Variants in TAFA2 observed in about 807,000 individuals in gnomAD.
The protein encoded by TAFA2 is TAFA chemokine like family member 2.
TAFA2 carries 7 observed loss-of-function variants against 18.8 expected under a neutral mutation model. The ratio of observed to expected loss-of-function variants is 0.37; its 90% CI spans 0.21 to 0.70. The LOEUF is 0.70. Ranked by LOEUF, TAFA2 falls within the 30% of genes least tolerant of loss-of-function variation. The pLI, the probability that TAFA2 is intolerant of heterozygous loss-of-function variation, is 0.53. For missense variants in TAFA2, 122 were observed against 158.1 expected (o/e 0.77, Z 1.23); for synonymous variants, 60 against 54.2 (o/e 1.11, Z -0.47).
intron 1 of TAFA2, among the ~76,000 whole-genome samples, chr12:62,072,121 C>G (rs766122824): frequency 2.6e-5 from 4 of 152,078 alleles, no homozygotes; most frequent in South Asian, 2.1e-4. Flanking sequence ...GTAAAATGGG[C>G]ATGAGGACGA....
chr12:61,904,098 C>T (rs2121324641), intron 1 of TAFA2, among the ~76,000 whole-genome samples: 1 of 152,224 alleles, frequency 6.6e-6, no homozygotes, highest in African/African-American at 2.4e-5. Context: ...CTCAAAGCAT[C>T]CTTCTGTATC....
At chr12:61,974,044 C>T (rs891166426) in intron 1 of TAFA2, among the ~76,000 whole-genome samples, 1 of 151,666 alleles carries the variant, frequency 6.6e-6, no homozygotes, top group Non-Finnish European at 1.5e-5. Context: ...GGTAATGACA[C>T]TCTAGTAAGT....
In TAFA2 at chr12:62,147,283, T is replaced by C. The variant is rs145813297; in HGVS notation, c.-2+43976A>G. On this transcript the variant is annotated intron_variant, in intron 1 of 4. Coordinates refer to ENST00000416284, the MANE Select transcript of TAFA2 (RefSeq NM_178539.5). Reference sequence around the variant, plus strand: ...GTATATATATGTGTGTGTGTATATATATGTATGTATATATGTATGCATGTG... The same window carrying C: ...GTATATATATGTGTGTGTGTATATACATGTATGTATATATGTATGCATGTG... 5.4e-3 allele frequency among the ~76,000 whole-genome samples: 784 copies of C among 145,266 alleles called. 15 individuals carry two copies. The highest frequency in any genetic ancestry group is 0.019 in the African/African-American group (756 of 39,120).
At chr12:61,846,869 G>A (rs549696543) in intron 2 of TAFA2, among the ~76,000 whole-genome samples, 28 of 152,164 alleles carry the variant, frequency 1.8e-4, no homozygotes, top group Non-Finnish European at 3.4e-4. Flanking sequence ...CAAAATCCAT[G>A]CTATTACTCC....
chr12:62,214,940 C>T (rs2062728039), intron 1 of TAFA2, among the ~76,000 whole-genome samples: 1 of 152,174 alleles, frequency 6.6e-6, no homozygotes, highest in Non-Finnish European at 1.5e-5. Context: ...TCTAGAGATA[C>T]TATCTTTAAA....
intron 1 of TAFA2, among the ~76,000 whole-genome samples, chr12:62,142,731 T>A (rs1399119925): frequency 6.6e-6 from 1 of 152,024 alleles, no homozygotes; most frequent in Non-Finnish European, 1.5e-5. Context: ...ATTATGAGAA[T>A]CCTCTTTAAA....
intron 2 of TAFA2, among the ~76,000 whole-genome samples, chr12:61,794,834 A>C (rs1441580341): frequency 2.6e-5 from 4 of 152,308 alleles, no homozygotes; most frequent in Non-Finnish European, 5.9e-5. Flanking sequence ...TACTCATCTG[A>C]CAAAGGGCTA....
chr12:61,744,322 C>A (rs908953980), intron 4 of TAFA2, among the ~76,000 whole-genome samples: 1 of 152,078 alleles, frequency 6.6e-6, no homozygotes, highest in Non-Finnish European at 1.5e-5. Context: ...ACACCTGGCT[C>A]AAATATTGCA....
chr12:62,147,764 A>T (rs2062297566), intron 1 of TAFA2, among the ~76,000 whole-genome samples: 1 of 151,538 alleles, frequency 6.6e-6, no homozygotes, highest in Non-Finnish European at 1.5e-5. Context: ...AACCATTAAC[A>T]GAATAAACAG....
intron 1 of TAFA2, among the ~76,000 whole-genome samples, chr12:61,950,410 C>T (rs1347442824): frequency 6.6e-6 from 1 of 152,154 alleles, no homozygotes; most frequent in Non-Finnish European, 1.5e-5. Flanking sequence ...GAATTCTCCA[C>T]ATTCTTGCCA....
intron 1 of TAFA2, among the ~76,000 whole-genome samples, chr12:61,987,949 A>C (rs968928110): frequency 6.6e-6 from 1 of 152,250 alleles, no homozygotes; most frequent in African/African-American, 2.4e-5. Context: ...ACATAAAATA[A>C]ATTGAAGATT....
At chr12:61,785,739 T>A (rs749255815) in intron 2 of TAFA2, among the ~76,000 whole-genome samples, 1 of 151,564 alleles carries the variant, frequency 6.6e-6, no homozygotes, top group Non-Finnish European at 1.5e-5. Context: ...AAAATTAATG[T>A]CTTATATATA....
chr12:62,099,592 C>T (rs1869099562), intron 1 of TAFA2, among the ~76,000 whole-genome samples: 1 of 152,084 alleles, frequency 6.6e-6, no homozygotes, highest in Non-Finnish European at 1.5e-5. Flanking sequence ...ATTTAACTTC[C>T]AGTCGGAGAA....
At chr12:62,220,149 A>C (rs2062754534) in intron 1 of TAFA2, among the ~76,000 whole-genome samples, 1 of 152,160 alleles carries the variant, frequency 6.6e-6, no homozygotes, top group Non-Finnish European at 1.5e-5. Flanking sequence ...TTAGAACTAG[A>C]ACAAAGTAAA....
intron 1 of TAFA2, among the ~76,000 whole-genome samples, chr12:62,025,152 A>G (rs75034465): frequency 0.26 from 39,387 of 152,086 alleles, 5,317 homozygotes; most frequent in Non-Finnish European, 0.28. Flanking sequence ...AAAAAGACAC[A>G]TATACTCATA....
chr12:61,748,301 A>G (rs118064988), intron 4 of TAFA2, among the ~76,000 whole-genome samples: 2,691 of 152,242 alleles, frequency 0.018, 28 homozygotes, highest in Non-Finnish European at 0.028. Context: ...GCATTAAAAT[A>G]ATTAGAAAAA....
chr12:61,916,935 T>G (rs1876844271), intron 1 of TAFA2, among the ~76,000 whole-genome samples: 1 of 152,242 alleles, frequency 6.6e-6, no homozygotes, highest in Non-Finnish European at 1.5e-5. Context: ...TCTTAATAGC[T>G]ACATTAACTA....
At chr12:62,178,752 C>T (rs1292284635) in intron 1 of TAFA2, among the ~76,000 whole-genome samples, 5 of 152,140 alleles carry the variant, frequency 3.3e-5, no homozygotes, top group South Asian at 4.1e-4. Flanking sequence ...CCCTTTGCCT[C>T]GAAGGGAGAT....
At chr12:62,125,848 G>C (rs1870434753) in intron 1 of TAFA2, among the ~76,000 whole-genome samples, 1 of 151,964 alleles carries the variant, frequency 6.6e-6, no homozygotes, top group South Asian at 2.1e-4. Flanking sequence ...CTGAGTCTCT[G>C]TTACCACTAG....
Sources: allele counts gnomAD v4.1 joint callset (sites outside exome capture counted in the v4.1 genomes callset), GRCh38; gene constraint gnomAD v4.1.1; transcripts MANE v1.5; gene names NCBI Gene and HGNC (gene_info 2026-07-23, HGNC 2026-07-21).